The following LTBP1 variants were observed in gnomAD, a reference collection of about 807,000 sequenced individuals.
The protein encoded by LTBP1 is latent transforming growth factor beta binding protein 1, also known as latent-transforming growth factor beta-binding protein 1.
LTBP1 carries 129 observed loss-of-function variants against 207.6 expected under a neutral mutation model. The observed-to-expected ratio is 0.62, with a 90% CI of 0.54 to 0.72. The LOEUF is 0.72. Ranked by LOEUF, LTBP1 falls within the 30% of genes least tolerant of loss-of-function variation. LTBP1 has a pLI of 0.00. For synonymous variants in LTBP1, 963 were observed against 833.7 expected (o/e 1.16, Z -2.67); for missense variants, 2,281 against 2,217.2 (o/e 1.03, Z -0.58).
At chr2:33,071,184 T>C (rs2077767272) in intron 3 of LTBP1, among the ~76,000 whole-genome samples, 1 of 152,164 alleles carries the variant, frequency 6.6e-6, no homozygotes, top group African/African-American at 2.4e-5. Flanking sequence ...TTCAGGCCAC[T>C]TCCAAGCTTA....
At chr2:33,088,257 G>T (rs1363435816) in intron 3 of LTBP1, among the ~76,000 whole-genome samples, 1 of 152,182 alleles carries the variant, frequency 6.6e-6, no homozygotes, top group Non-Finnish European at 1.5e-5. Context: ...TTCGAGACCA[G>T]CTTGGCCAAC....
intron 4 of LTBP1, among the ~76,000 whole-genome samples, chr2:33,127,949 G>T (rs1483161428): frequency 6.6e-6 from 1 of 152,166 alleles, no homozygotes; most frequent in Non-Finnish European, 1.5e-5. Flanking sequence ...AGGCTAGGTT[G>T]GACCTAGGTA....
At chr2:32,973,773 C>T (rs1031693175) in intron 2 of LTBP1, among the ~76,000 whole-genome samples, 3 of 152,110 alleles carry the variant, frequency 2.0e-5, no homozygotes, top group African/African-American at 7.2e-5. Flanking sequence ...TGGTGACCAT[C>T]CTTCTACTCT....
At chr2:33,394,093 T>C (rs2150716340) in intron 32 of LTBP1, among the ~76,000 whole-genome samples, 1 of 152,352 alleles carries the variant, frequency 6.6e-6, no homozygotes, top group African/African-American at 2.4e-5. Context: ...ATGTCTTCTT[T>C]TGAGAAGTGT....
chr2:32,975,760 G>T (rs1681677333), intron 2 of LTBP1, among the ~76,000 whole-genome samples: 1 of 151,812 alleles, frequency 6.6e-6, no homozygotes, highest in African/African-American at 2.4e-5. Flanking sequence ...GATGAGTTTG[G>T]TTATTTCTTA....
intron 15 of LTBP1, 49 bp from the exon 16 acceptor site, chr2:33,273,607 T>C (rs2093364798): frequency 1.3e-6 from 2 of 1,483,434 alleles, no homozygotes; most frequent in Non-Finnish European, 1.8e-6. Flanking sequence ...AGCAGTGAAA[T>C]CTGTTCATTT....
intron 20 of LTBP1, among the ~76,000 whole-genome samples, chr2:33,295,402 A>G (rs1317101336): frequency 1.3e-5 from 2 of 152,034 alleles, no homozygotes; most frequent in Non-Finnish European, 2.9e-5. Flanking sequence ...TGGCATGCGC[A>G]TGTAATCCCA....
chr2:33,175,355 A>G (rs1314529264), intron 5 of LTBP1, among the ~76,000 whole-genome samples: 1 of 152,078 alleles, frequency 6.6e-6, no homozygotes, highest in Non-Finnish European at 1.5e-5. Flanking sequence ...ATATGAACAG[A>G]CACTTCTCAA....
intron 10 of LTBP1, among the ~76,000 whole-genome samples, chr2:33,247,902 T>C (rs2092561634): frequency 6.6e-6 from 1 of 152,290 alleles, no homozygotes; most frequent in Admixed American, 6.5e-5. Flanking sequence ...TAATATGGGC[T>C]TTCCTTCCAG....
intron 4 of LTBP1, among the ~76,000 whole-genome samples, chr2:33,129,931 G>A (rs1169982999): frequency 6.6e-6 from 1 of 152,142 alleles, no homozygotes; most frequent in Non-Finnish European, 1.5e-5. Context: ...TTCTTGGAGG[G>A]TTTTCCAGGA....
At chr2:33,314,374 AC>A (rs986484294) in intron 23 of LTBP1, among the ~76,000 whole-genome samples, 9 of 152,140 alleles carry the variant, frequency 5.9e-5, no homozygotes, top group African/African-American at 1.9e-4. Flanking sequence ...TCATAGTGAG[AC>A]CCCATCTCTG....
intron 3 of LTBP1, among the ~76,000 whole-genome samples, chr2:33,068,281 A>T (rs2077618310): frequency 6.6e-6 from 1 of 151,962 alleles, no homozygotes; most frequent in African/African-American, 2.4e-5. Flanking sequence ...AACAATAAAC[A>T]TTATTTTTCG....
At chr2:33,317,922 T>G (rs2094295999) in intron 24 of LTBP1, 1 of 152,142 alleles carries the variant, frequency 6.6e-6, no homozygotes, top group Non-Finnish European at 1.5e-5. Flanking sequence ...TCTATAGCAA[T>G]AAAAATGGCA....
chr2:33,057,465 C>G (rs796994516), intron 3 of LTBP1, among the ~76,000 whole-genome samples: 4 of 152,248 alleles, frequency 2.6e-5, no homozygotes, highest in African/African-American at 9.6e-5. Context: ...GACTGGGCGC[C>G]GTGGAGCAGG....
chr2:33,349,829 A>G (rs933640121), intron 26 of LTBP1, among the ~76,000 whole-genome samples: 2 of 152,220 alleles, frequency 1.3e-5, no homozygotes, highest in Non-Finnish European at 2.9e-5. Flanking sequence ...ACAGTAATCA[A>G]TACACTGACA....
chr2:32,994,698 C>T (rs368346396), intron 2 of LTBP1, among the ~76,000 whole-genome samples: 11 of 152,272 alleles, frequency 7.2e-5, no homozygotes, highest in African/African-American at 2.4e-4. Flanking sequence ...AACTCCTGAC[C>T]TCAGATGATC....
chr2:33,235,137 T>C (rs2091980141), intron 9 of LTBP1, among the ~76,000 whole-genome samples: 2 of 152,202 alleles, frequency 1.3e-5, no homozygotes. Context: ...GAGAACATTT[T>C]TGCAGTCTAT....
chr2:33,301,608 G>A lies in LTBP1; in HGVS notation c.3445G>A (p.Gly1149Ser), dbSNP rs1221570349. The A allele has an allele frequency of 2.5e-6, 4 of 1,610,678 alleles. No individual in the cohort carries two copies. The African/African-American group carries it at 5.3e-5, about 22-fold the overall frequency. Residue 1149 changes from glycine to serine, a missense_variant, in exon 22 of 34, where the codon GGT (glycine) becomes AGT (serine). Physicochemically the swap from Gly to Ser is moderately conservative, Grantham distance 56 (BLOSUM62 0). This residue lies in a region of LTBP1 where 1,671 missense variants were observed against 1,634.8 expected (regional missense o/e 1.02). Coordinates refer to ENST00000404816, the MANE Select transcript of LTBP1 (RefSeq NM_206943.4). ...EGSFQCVCDQ[G>S]YRASGLGDHC... ...CTCTTTTCAATGTGTGTGTGACCAGGGTTACAGAGCATCTGGGCTTGGAGA... is the reference window on the plus strand; with the variant it reads ...CTCTTTTCAATGTGTGTGTGACCAGAGTTACAGAGCATCTGGGCTTGGAGA...
chr2:33,209,164 C>T (rs561355076), intron 7 of LTBP1, among the ~76,000 whole-genome samples: 2 of 152,118 alleles, frequency 1.3e-5, no homozygotes, highest in African/African-American at 4.8e-5. Context: ...TGAGCCACCG[C>T]ACCTGGCCAG....
Sources: allele counts gnomAD v4.1 joint callset (sites outside exome capture counted in the v4.1 genomes callset), GRCh38; gene constraint gnomAD v4.1.1; regional missense constraint gnomAD v4.1.1; transcripts MANE v1.5; gene names NCBI Gene and HGNC (gene_info 2026-07-23, HGNC 2026-07-21).